ASIC1: variants seen among roughly 807,000 people sequenced by gnomAD.
The protein encoded by ASIC1 is acid-sensing ion channel 1.
In ASIC1, 21 loss-of-function variants were observed where a neutral mutation model predicts 63.4. The observed-to-expected ratio is 0.33, with a 90% CI of 0.23 to 0.48. The LOEUF (loss-of-function observed/expected upper bound fraction) is 0.48. ASIC1 is among the 20% of genes least tolerant of loss of function. ASIC1 has a pLI of 0.99. For synonymous variants in ASIC1, 258 were observed against 278.2 expected (o/e 0.93, Z 0.72); for missense variants, 478 against 695.5 (o/e 0.69, Z 3.52).
rs1413193435 is a variant in ASIC1 at position 50,057,739 on chromosome 12, G to A, written c.-194G>A. 1 of 151,090 alleles carries A rather than the reference G, an allele frequency of 6.6e-6. No individual in the cohort carries two copies. Among genetic ancestry groups the A allele is most frequent in the East Asian group, 1.9e-4 (1 of 5,156 alleles). 9.4% of individuals were successfully genotyped at this position (151,090 alleles called of 1,614,324 possible). A position where few individuals can be genotyped will look rare whatever the true frequency, so the allele number is the denominator to read the frequency against. On this transcript the variant is annotated 5_prime_UTR_variant, in exon 1 of 12. Transcript: ENST00000447966. This position sits in a 1 kb window ranked among gnomAD's most constrained non-coding sequence, Gnocchi z 4.7. ...GCCAGCGCGCGCGGGCGGGCGGACA[G>A]ATCGGAGCCGAGCGGGGCCGGGCGG... is the stretch of plus-strand genomic sequence containing the variant.
intron 3 of ASIC1, among the ~76,000 whole-genome samples, chr12:50,068,894 C>T (rs1950571182): frequency 6.6e-6 from 1 of 152,156 alleles, no homozygotes; most frequent in Admixed American, 6.5e-5. Flanking sequence ...GGCAATGGCT[C>T]CTCGACAGGC....
chr12:50,072,666 G>A (rs772242553), intron 3 of ASIC1, among the ~76,000 whole-genome samples: 1 of 152,142 alleles, frequency 6.6e-6, no homozygotes, highest in Admixed American at 6.5e-5. Flanking sequence ...GCCAAAAAGG[G>A]TAGTGGTGAT....
chr12:50,074,418 G>A lies in ASIC1; in HGVS notation c.559-2795G>A, dbSNP rs188053831. ...CTCACCCAGGAGTCCGGGGCCTGGA[G>A]CTGGGCTGGTATTCCCAGGTCCACA... On this transcript the variant is annotated intron_variant, in intron 3 of 11. Coordinates refer to ENST00000447966, the MANE Select transcript of ASIC1 (RefSeq NM_001095.4). The surrounding 1 kb of genome is among the most constrained non-coding windows in gnomAD (Gnocchi z 4.2). Among the ~76,000 whole-genome samples the A allele has an allele frequency of 2.6e-5, 4 of 152,184 alleles. No homozygotes were observed. The highest frequency in any genetic ancestry group is 5.9e-5 in the Non-Finnish European group (4 of 68,028).
chr12:50,077,920 G>C (rs1950673792), intron 4 of ASIC1, 80 bp from the exon 5 acceptor site: 2 of 1,536,660 alleles, frequency 1.3e-6, no homozygotes, highest in Non-Finnish European at 1.8e-6. Flanking sequence ...TTATTTCCAG[G>C]AGAGGTAGGA....
Position 50,058,875 on chromosome 12 carries a change from G to C in ASIC1, c.109G>C (p.Glu37Gln), listed in dbSNP as rs1025157825. ...CGGCCTGGCCCACATCTTCTCCTAC[G>C]AGCGGCTGTCTCTGAAGCGGGCACT... ...LHGLAHIFSY[E>Q]RLSLKRALWA... The change falls in exon 2 of 12, where the codon GAG becomes CAG. Residue 37 changes from glutamate to glutamine, a missense_variant. Glu to Gln is a conservative substitution (Grantham distance 29). Around this residue, in one of 3 missense-constraint regions of ASIC1, gnomAD observed 290 missense variants for 414.9 expected, o/e 0.70. Transcript: ENST00000447966. 1 of 1,614,066 alleles carries C rather than the reference G, an allele frequency of 6.2e-7. No homozygotes were observed.
chr12:50,068,376 C>A (rs939124920), intron 3 of ASIC1, among the ~76,000 whole-genome samples: 3 of 152,140 alleles, frequency 2.0e-5, no homozygotes, highest in African/African-American at 7.2e-5. Context: ...TTCTCCTGGG[C>A]ACATGACTAG....
rs369668932 is a variant in ASIC1 at position 50,059,149 on chromosome 12, C to T, written c.362+21C>T. On this transcript the variant is annotated intron_variant, in intron 2 of 11. Transcript: ENST00000447966. This position sits in a 1 kb window ranked among gnomAD's most constrained non-coding sequence, Gnocchi z 4.6. ...AACAGGTGGGTGGCTCCCACCCTCC[C>T]TCAGCCCTGCTCCTGGAGTTGCTTG... 9 of 1,607,470 alleles carry T rather than the reference C, an allele frequency of 5.6e-6. No individual in the cohort carries two copies. The African/African-American group carries it at 1.2e-4, about 21-fold the overall frequency.
At chr12:50,064,881 A>G (rs1592267738) in intron 3 of ASIC1, among the ~76,000 whole-genome samples, 1 of 152,170 alleles carries the variant, frequency 6.6e-6, no homozygotes, top group Non-Finnish European at 1.5e-5. Flanking sequence ...AGACAGTGCC[A>G]CTTCCATGTG....
In ASIC1 at chr12:50,081,946, T is replaced by G; in HGVS notation, c.*297T>G. 1 of 425,062 alleles carries G rather than the reference T, an allele frequency of 2.4e-6. No homozygotes were observed. Among genetic ancestry groups the G allele is most frequent in the East Asian group, 4.7e-5 (1 of 21,370 alleles). 26.3% of individuals were successfully genotyped at this position (425,062 alleles called of 1,614,324 possible). A position where few individuals can be genotyped will look rare whatever the true frequency, so the allele number is the denominator to read the frequency against. ...CTCCCCTAGCTCCCAGCCTGAATTCTGTCTATCTAGCTGTCTGCCATCTGA... is the reference window on the plus strand; with the variant it reads ...CTCCCCTAGCTCCCAGCCTGAATTCGGTCTATCTAGCTGTCTGCCATCTGA... On this transcript the variant is annotated 3_prime_UTR_variant, in exon 12 of 12. Coordinates refer to ENST00000447966, the MANE Select transcript of ASIC1 (RefSeq NM_001095.4).
intron 7 of ASIC1, among the ~76,000 whole-genome samples, chr12:50,079,691 C>T (rs1950695024): frequency 6.6e-6 from 1 of 152,126 alleles, no homozygotes; most frequent in African/African-American, 2.4e-5. Context: ...CAGTGGCCTG[C>T]AGGGTTCAGC....
chr12:50,078,014 G>A lies in ASIC1; in HGVS notation c.724G>A (p.Glu242Lys), dbSNP rs1433067923. The A allele has an allele frequency of 5.0e-6, 8 of 1,613,124 alleles. No homozygotes were observed. The highest frequency in any genetic ancestry group is 5.9e-6 in the Non-Finnish European group (7 of 1,179,448). The change falls in exon 5 of 12, where the codon GAA becomes AAA. Residue 242 changes from glutamate (E) to lysine (K), a missense_variant. By Grantham distance (56) the Glu-to-Lys change is moderately conservative (BLOSUM62 1). Coordinates refer to ENST00000447966, the MANE Select transcript of ASIC1 (RefSeq NM_001095.4). This position sits in a 1 kb window ranked among gnomAD's most constrained non-coding sequence, Gnocchi z 6.0. ...VWGETDETSF[E>K]AGIKVQIHSQ... ...CATTCCCCTAGACGAGACGTCCTTC[G>A]AAGCAGGCATCAAAGTGCAGATCCA...
At chr12:50,070,249 C>T (rs984338742) in intron 3 of ASIC1, among the ~76,000 whole-genome samples, 1 of 152,154 alleles carries the variant, frequency 6.6e-6, no homozygotes, top group African/African-American at 2.4e-5. Context: ...ACACTTTCCT[C>T]ATCCCCCAAT....
intron 3 of ASIC1, among the ~76,000 whole-genome samples, chr12:50,061,251 C>G (rs1950498285): frequency 6.6e-6 from 1 of 152,164 alleles, no homozygotes; most frequent in Non-Finnish European, 1.5e-5. Flanking sequence ...AGGATGGCAC[C>G]ATAGTCATGC....
At position 50,082,809 on chromosome 12, in the gene ASIC1, C is replaced by G. The variant is rs1315155311; in HGVS notation, c.*1160C>G. 6.5e-6 allele frequency: 1 copy of G among 152,834 alleles called. No individual in the cohort carries two copies. The highest frequency in any genetic ancestry group is 1.9e-4 in the East Asian group (1 of 5,202). 9.5% of individuals were successfully genotyped at this position (152,834 alleles called of 1,614,324 possible). A position where few individuals can be genotyped will look rare whatever the true frequency, so the allele number is the denominator to read the frequency against. On this transcript the variant is annotated 3_prime_UTR_variant, in exon 12 of 12. Transcript: ENST00000447966. ...ACGCGCATTGTAACCTTTGCACTGT[C>G]TCAGTGGCGACAAAGGAAGCTGTGA...
chr12:50,078,958 G>A lies in ASIC1; in HGVS notation c.1029G>A (p.Lys343=). 1 of 1,613,930 alleles carries A rather than the reference G, an allele frequency of 6.2e-7. No individual in the cohort carries two copies. The stretch of plus-strand genomic sequence containing the variant: ...CATACTGTACTCCAGAGCAGTACAA[G>A]GAGTGTGCAGATCCTGCTCTGGGTG... The part of the protein sequence containing the change: ...DAPYCTPEQY[K]ECADPALDFL... Residue 343 remains lysine (K), a synonymous_variant, in exon 7 of 12, where the codon AAG becomes AAA. Transcript: ENST00000447966. The surrounding 1 kb of genome is among the most constrained non-coding windows in gnomAD (Gnocchi z 6.0).
At chr12:50,073,974 G>A (rs1481130754) in intron 3 of ASIC1, 2 of 1,535,880 alleles carry the variant, frequency 1.3e-6, no homozygotes, top group African/African-American at 2.7e-5. Flanking sequence ...CCACCACGGA[G>A]CTGGCCTTCC....
chr12:50,069,333 G>T (rs2137825252), intron 3 of ASIC1, among the ~76,000 whole-genome samples: 1 of 149,836 alleles, frequency 6.7e-6, no homozygotes, highest in Non-Finnish European at 1.5e-5. Context: ...TCGTTCTATT[G>T]CCTGGGCTGG....
chr12:50,060,823 CA>C (rs1950494495), intron 3 of ASIC1, among the ~76,000 whole-genome samples: 1 of 152,230 alleles, frequency 6.6e-6, no homozygotes, highest in African/African-American at 2.4e-5. Flanking sequence ...CCAGAGGCTC[CA>C]GAGCCATGCA....
intron 3 of ASIC1, chr12:50,073,787 C>T: frequency 2.0e-6 from 3 of 1,535,752 alleles, no homozygotes; most frequent in Non-Finnish European, 8.7e-7. Flanking sequence ...GTGGCCTTTG[C>T]CAACAGCTGC....
Sources: gnomAD v4.1 joint callset for allele counts (sites outside exome capture counted in the v4.1 genomes callset) on GRCh38, gnomAD v4.1.1 for gene constraint, gnomAD v4.1.1 regional missense constraint, Gnocchi (gnomAD v3.1) non-coding constraint, MANE v1.5 for transcripts, NCBI Gene and HGNC (gene_info 2026-07-23, HGNC 2026-07-21) for gene names.